Variants in ASB12 observed in about 807,000 individuals in gnomAD.
The protein encoded by ASB12 is ankyrin repeat and SOCS box containing 12.
ASB12 carries 17 observed loss-of-function variants against 13.7 expected under a neutral mutation model. That is an observed-to-expected ratio of 1.24 (90% CI 0.85 to 1.86). ASB12 has a LOEUF of 1.86. Among genes scored for constraint, ASB12 ranks in the 40% most tolerant of loss-of-function variants. ASB12 has a pLI of 0.00. For synonymous variants in ASB12, 107 were observed against 99.8 expected (o/e 1.07, Z -0.43); for missense variants, 329 against 250.5 (o/e 1.31, Z -2.11).
At position 64,225,594 on chromosome X, in the gene ASB12, G is replaced by T; in HGVS notation, c.57C>A (p.Phe19Leu). 5.0e-6 allele frequency: 6 copies of T among 1,203,853 alleles called. No individual in the cohort carries two copies. Among genetic ancestry groups the T allele is most frequent in the Non-Finnish European group, 5.6e-6 (5 of 891,015 alleles). Reference protein sequence around the residue: ...KMNLMDITKIFSLLQPDKEEE... With the variant: ...KMNLMDITKILSLLQPDKEEE... Reference sequence around the variant, plus strand: ...CCTCCTTGTCGGGCTGCAGGAGGGAGAAGATCTTGGTGATGTCCATGAGGT... The same window carrying T: ...CCTCCTTGTCGGGCTGCAGGAGGGATAAGATCTTGGTGATGTCCATGAGGT... The change falls in exon 2 of 3, where the codon TTC (phenylalanine) becomes TTA (leucine). Residue 19 changes from phenylalanine to leucine, a missense_variant. Physicochemically the swap from Phe to Leu is conservative, Grantham distance 22. Transcript: ENST00000362002.
chrX:64,227,282 C>A (rs750308979), intron 1 of ASB12, among the ~76,000 whole-genome samples: 1 of 111,613 alleles, frequency 9.0e-6, no homozygotes, highest in African/African-American at 3.3e-5. Flanking sequence ...CTCTAGCTAT[C>A]TTTCTCTTCG....
At chrX:64,228,159 T>C (rs1484982386) in intron 1 of ASB12, among the ~76,000 whole-genome samples, 1 of 112,197 alleles carries the variant, frequency 8.9e-6, no homozygotes, top group South Asian at 3.7e-4. Context: ...AGCTCAGAGG[T>C]CCTTCATGAA....
chrX:64,230,049 C>A (rs752156431), intron 1 of ASB12, among the ~76,000 whole-genome samples: 1 of 110,941 alleles, frequency 9.0e-6, no homozygotes, highest in East Asian at 2.9e-4. Flanking sequence ...ATTAGCAGAA[C>A]GTTTTTAAGC....
At chrX:64,226,709 C>T (rs1436476225) in intron 1 of ASB12, 1 of 752,284 alleles carries the variant, frequency 1.3e-6, no homozygotes, top group Non-Finnish European at 1.6e-6. Context: ...AACCTCTGAC[C>T]TTACCAGTGC....
intron 1 of ASB12, among the ~76,000 whole-genome samples, chrX:64,227,891 T>C (rs1249934960): frequency 8.9e-6 from 1 of 112,095 alleles, no homozygotes; most frequent in African/African-American, 3.2e-5. Context: ...TCCTGTGGAT[T>C]TTACCTACTA....
chrX:64,226,035 C>G (rs1223474640), intron 1 of ASB12, among the ~76,000 whole-genome samples: 1 of 112,641 alleles, frequency 8.9e-6, no homozygotes, highest in Non-Finnish European at 1.9e-5. Flanking sequence ...TGTATAAACT[C>G]CAGGGCAAGG....
At chrX:64,229,328 C>T (rs1353257392) in intron 1 of ASB12, among the ~76,000 whole-genome samples, 1 of 111,763 alleles carries the variant, frequency 8.9e-6, no homozygotes, top group Non-Finnish European at 1.9e-5. Flanking sequence ...TAATGAGCCT[C>T]CAGAGGGAGA....
chrX:64,225,221 G>T lies in ASB12; in HGVS notation c.430C>A (p.Leu144Ile). 8.3e-7 allele frequency: 1 copy of T among 1,211,623 alleles called. No homozygotes were observed. Among genetic ancestry groups the T allele is most frequent in the Non-Finnish European group, 1.1e-6 (1 of 895,451 alleles). The change falls in exon 2 of 3, where the codon CTC becomes ATC. Residue 144 changes from leucine (L) to isoleucine (I), a missense_variant. By Grantham distance (5) the Leu-to-Ile change is conservative. Coordinates refer to ENST00000362002, the MANE Select transcript of ASB12 (RefSeq NM_130388.4). The stretch of plus-strand genomic sequence containing the variant: ...ACAGCACCATCACGGGCAGCTGTGA[G>T]CACGGGAGAACAGTTGTTGTAGATG... Reference protein sequence around the residue: ...GSIYNNCSPVLTAARDGAVAI... With the variant: ...GSIYNNCSPVITAARDGAVAI...
At position 64,224,432 on chromosome X, in the gene ASB12, A is replaced by G. The variant is rs1419768078; in HGVS notation, c.860T>C (p.Val287Ala). The G allele has an allele frequency of 8.3e-7, 1 of 1,210,711 alleles. No homozygotes were observed. Among genetic ancestry groups the G allele is most frequent in the Non-Finnish European group, 1.1e-6 (1 of 894,788 alleles). Residue 287 changes from valine (V) to alanine (A), a missense_variant, in exon 3 of 3, where the codon GTC becomes GCC. Transcript: ENST00000362002. The part of the protein sequence containing the change: ...PRSLLSQVRL[V>A]VRRALCQAGQ... ...AGCCTGGCACAAGGCTCTGCGGACG[A>G]CTAAACGGACCTGTGATAGAAGTGA...
chrX:64,229,768 C>T (rs780485098), intron 1 of ASB12, among the ~76,000 whole-genome samples: 1 of 112,431 alleles, frequency 8.9e-6, no homozygotes, highest in African/African-American at 3.2e-5. Context: ...TCTGCCACAA[C>T]TGTAATATGA....
intron 1 of ASB12, among the ~76,000 whole-genome samples, chrX:64,229,062 A>AC (rs1333254177): frequency 7.3e-5 from 8 of 109,556 alleles, no homozygotes; most frequent in Non-Finnish European, 1.5e-4. Flanking sequence ...ACAAACACAT[A>AC]CCCCCCTCCC....
rs1930916855 is a variant in ASB12, at chrX:64,225,202, C to A, written c.449G>T (p.Gly150Val). 2 of 1,209,802 alleles carry A rather than the reference C, an allele frequency of 1.7e-6. No homozygotes were observed. The highest frequency in any genetic ancestry group is 1.8e-5 in the South Asian group (1 of 56,696). Reference sequence around the variant, plus strand: ...GAGCTCCTGCAGGATAGCAACAGCACCATCACGGGCAGCTGTGAGCACGGG... The same window carrying A: ...GAGCTCCTGCAGGATAGCAACAGCAACATCACGGGCAGCTGTGAGCACGGG... ...CSPVLTAARDGAVAILQELLD... is the reference protein window; with the variant it reads ...CSPVLTAARDVAVAILQELLD... Residue 150 changes from glycine (G) to valine (V), a missense_variant, in exon 2 of 3, where the codon GGT (glycine) becomes GTT (valine). Coordinates refer to ENST00000362002, the MANE Select transcript of ASB12 (RefSeq NM_130388.4).
Position 64,224,764 on chromosome X carries a change from G to A in ASB12, c.823+64C>T, listed in dbSNP as rs766524200. 642 of 1,118,243 alleles carry A rather than the reference G, an allele frequency of 5.7e-4. 3 individuals are homozygous for A. The African/African-American group carries it at 6.3e-3, about 11-fold the overall frequency. 92.2% of individuals were successfully genotyped at this position (1,118,243 alleles called of 1,213,427 possible). ...TGCACCTCAGAGGATTGGCTTATAC[G>A]TGATTTAGAGCCCTGGGACCTCCAA... is the stretch of plus-strand genomic sequence containing the variant. On this transcript the variant is annotated intron_variant, in intron 2 of 2. Transcript: ENST00000362002.
rs34782767 is a variant in ASB12 at position 64,225,551 on chromosome X, C to T, written c.100G>A (p.Glu34Lys). The change falls in exon 2 of 3, where the codon GAG becomes AAG. Residue 34 changes from glutamate (E) to lysine (K), a missense_variant. Physicochemically the swap from Glu to Lys is moderately conservative, Grantham distance 56 (BLOSUM62 1). Coordinates refer to ENST00000362002, the MANE Select transcript of ASB12 (RefSeq NM_130388.4). ...PDKEEEDTDT[E>K]EKQALNQAVY... is the part of the protein sequence containing the mutation. Reference sequence around the variant, plus strand: ...GCTTGATTGAGAGCCTGCTTCTCCTCTGTGTCAGTGTCCTCCTCCTCCTTG... The same window carrying T: ...GCTTGATTGAGAGCCTGCTTCTCCTTTGTGTCAGTGTCCTCCTCCTCCTTG... 835 of 1,207,239 alleles carry T rather than the reference C, an allele frequency of 6.9e-4. 5 individuals are homozygous for T. The African/African-American group carries it at 0.013, about 20-fold the overall frequency.
Position 64,226,887 on chromosome X carries a change from CCTCAGGT to C in ASB12, c.-24-1220_-24-1214del, listed in dbSNP as rs745801342. ...CCCACCCCTCTTTGTTAGTCTGGGA[CCTCAGGT>C]ACCTACCTCATAGAAAGAAAATTAT... is the stretch of plus-strand genomic sequence containing the variant. On this transcript the variant is annotated intron_variant, in intron 1 of 2. Coordinates refer to ENST00000362002, the MANE Select transcript of ASB12 (RefSeq NM_130388.4). The C allele has an allele frequency of 4.0e-4, 121 of 299,152 alleles. 1 individual carries two copies. Among genetic ancestry groups the C allele is most frequent in the Non-Finnish European group, 4.4e-4 (99 of 225,498 alleles). The allele number at this position is 299,152 out of a possible 1,213,427, so 24.7% of individuals were successfully genotyped here.
Position 64,224,844 on chromosome X carries a change from C to A in ASB12, c.807G>T (p.Leu269Phe). Residue 269 changes from leucine to phenylalanine, a missense_variant, in exon 2 of 3, where the codon TTG becomes TTT. Physicochemically the swap from Leu to Phe is conservative, Grantham distance 22 (BLOSUM62 0). Coordinates refer to ENST00000362002, the MANE Select transcript of ASB12 (RefSeq NM_130388.4). ...ACCACTCACCTCGGGCCTGTAGCAG[C>A]AATGCAATGCCTTTATCATCTTGTG... ...LTSQDDKGIA[L>F]LLQARATPRS... 8.4e-7 allele frequency: 1 copy of A among 1,185,988 alleles called. No individual in the cohort carries two copies. The highest frequency in any genetic ancestry group is 1.1e-6 in the Non-Finnish European group (1 of 880,535).
In ASB12 at chrX:64,225,166, C is replaced by T; in HGVS notation, c.485G>A (p.Gly162Asp). 1 of 1,211,550 alleles carries T rather than the reference C, an allele frequency of 8.3e-7. No individual in the cohort carries two copies. Among genetic ancestry groups the T allele is most frequent in the Non-Finnish European group, 1.1e-6 (1 of 895,417 alleles). The change falls in exon 2 of 3, where the codon GGT (glycine) becomes GAT (aspartate). Residue 162 changes from glycine (G) to aspartate (D), a missense_variant. By Grantham distance (94) the Gly-to-Asp change is moderately conservative (BLOSUM62 -1). Coordinates refer to ENST00000362002, the MANE Select transcript of ASB12 (RefSeq NM_130388.4). ...TTTAGCTTTGACGTTGGCCTCTGCA[C>T]CATGGTCTAGGAGCTCCTGCAGGAT... ...VAILQELLDHGAEANVKAKLP... is the reference protein window; with the variant it reads ...VAILQELLDHDAEANVKAKLP...
chrX:64,224,244 A>G lies in ASB12; in HGVS notation c.*91T>C. On this transcript the variant is annotated 3_prime_UTR_variant, in exon 3 of 3. Coordinates refer to ENST00000362002, the MANE Select transcript of ASB12 (RefSeq NM_130388.4). Reference sequence around the variant, plus strand: ...GAGGATAATACAGGAGAGCAGCTCCAGGTAAGTGGATGAGGCTGTAATGCT... The same window carrying G: ...GAGGATAATACAGGAGAGCAGCTCCGGGTAAGTGGATGAGGCTGTAATGCT... 1.0e-5 allele frequency: 10 copies of G among 987,144 alleles called. No individual in the cohort carries two copies. The highest frequency in any genetic ancestry group is 3.1e-5 in the East Asian group (1 of 32,074). The allele number at this position is 987,144 out of a possible 1,213,427, so 81.4% of individuals were successfully genotyped here. A position where few individuals can be genotyped will look rare whatever the true frequency, so the allele number is the denominator to read the frequency against.
In ASB12 at chrX:64,225,370, G is replaced by T. The variant is rs765324864; in HGVS notation, c.281C>A (p.Ala94Asp). The change falls in exon 2 of 3, where the codon GCC becomes GAC. Residue 94 changes from alanine to aspartate, a missense_variant. By Grantham distance (126) the Ala-to-Asp change is moderately radical. Transcript: ENST00000362002. ...GHLSCLQVLL[A>D]HGADVDSLDV... ...CAAGCTGTCAACATCAGCACCATGG[G>T]CTAAGAGGACTTGCAAACAGCTCAA... The T allele has an allele frequency of 8.3e-7, 1 of 1,208,452 alleles. No individual in the cohort carries two copies. Among genetic ancestry groups the T allele is most frequent in the Middle Eastern group, 2.3e-4 (1 of 4,351 alleles).
Sources: allele counts gnomAD v4.1 joint callset (sites outside exome capture counted in the v4.1 genomes callset), GRCh38; gene constraint gnomAD v4.1.1; transcripts MANE v1.5; gene names NCBI Gene and HGNC (gene_info 2026-07-23, HGNC 2026-07-21).